The following MBD5 variants were observed in gnomAD, a reference collection of about 807,000 sequenced individuals.
The protein encoded by MBD5 is methyl-CpG-binding domain protein 5.
MBD5 carries 13 observed loss-of-function variants against 117.3 expected under a neutral mutation model. The ratio of observed to expected loss-of-function variants is 0.11; its 90% CI spans 0.07 to 0.18. The LOEUF (loss-of-function observed/expected upper bound fraction) is 0.18, where lower values mean the gene tolerates loss of function less well. MBD5 is among the 10% of genes least tolerant of loss of function. The probability of loss-of-function intolerance (pLI) is 1.00; values close to 1 mark genes in which losing one functional copy is unlikely to be tolerated. For missense variants in MBD5, 1,879 were observed against 2,093.8 expected (o/e 0.90, Z 2.00); for synonymous variants, 727 against 766.4 (o/e 0.95, Z 0.85).
At chr2:148,362,158 G>A (rs550230474) in intron 4 of MBD5, among the ~76,000 whole-genome samples, 13 of 152,286 alleles carry the variant, frequency 8.5e-5, no homozygotes, top group Admixed American at 2.6e-4. Context: ...TCCTGGAAAG[G>A]GGGCTGAAGC....
intron 5 of MBD5, among the ~76,000 whole-genome samples, chr2:148,461,502 G>A (rs990376751): frequency 1.3e-5 from 2 of 152,118 alleles, no homozygotes; most frequent in African/African-American, 2.4e-5. Context: ...TTGTGTTTTT[G>A]TAGATAGAAC....
intron 4 of MBD5, among the ~76,000 whole-genome samples, chr2:148,421,846 C>T (rs1359918297): frequency 1.3e-5 from 2 of 152,236 alleles, no homozygotes; most frequent in African/African-American, 2.4e-5. Context: ...CCCACCACAG[C>T]TCAGCAAGGC....
chr2:148,238,323 A>G (rs999506905), intron 3 of MBD5, among the ~76,000 whole-genome samples: 2 of 152,234 alleles, frequency 1.3e-5, no homozygotes, highest in Non-Finnish European at 2.9e-5. Flanking sequence ...AACTATGTAC[A>G]TTCCAAATTT....
intron 13 of MBD5, among the ~76,000 whole-genome samples, chr2:148,511,720 A>T (rs1447453441): frequency 2.0e-5 from 3 of 152,226 alleles, no homozygotes; most frequent in Admixed American, 2.0e-4. Flanking sequence ...AGTTATAAAA[A>T]GTTTTGGCTC....
chr2:148,510,592 A>C (rs1220596242), intron 13 of MBD5, among the ~76,000 whole-genome samples: 1 of 152,264 alleles, frequency 6.6e-6, no homozygotes, highest in Non-Finnish European at 1.5e-5. Context: ...GAGTGTGAGA[A>C]GTTTAATCGT....
intron 13 of MBD5, among the ~76,000 whole-genome samples, chr2:148,511,956 T>G (rs1682226867): frequency 6.6e-6 from 1 of 152,254 alleles, no homozygotes; most frequent in Non-Finnish European, 1.5e-5. Flanking sequence ...TGTACTCATC[T>G]CTTCCTAATT....
Position 148,358,997 on chromosome 2 carries a change from C to A in MBD5, c.-557+16661C>A, listed in dbSNP as rs113564728. Among the ~76,000 whole-genome samples, 713 of 151,716 alleles carry A rather than the reference C, an allele frequency of 4.7e-3. 7 individuals are homozygous for A. The highest frequency in any genetic ancestry group is 0.016 in the African/African-American group (665 of 41,358). ...AGTCTTTTGACGGGGTGTGGTGGCT[C>A]AAGCCTGTAATCCCAGCACTTTGGG... On this transcript the variant is annotated intron_variant, in intron 4 of 13. Coordinates refer to ENST00000642680, the MANE Select transcript of MBD5 (RefSeq NM_001378120.1).
At chr2:148,500,259 G>T (rs78688112) in intron 11 of MBD5, among the ~76,000 whole-genome samples, 1 of 151,856 alleles carries the variant, frequency 6.6e-6, no homozygotes, top group Non-Finnish European at 1.5e-5. Flanking sequence ...GTGTGCCTGT[G>T]TGTGTGTATT....
At chr2:148,328,439 C>A (rs571280863) in intron 3 of MBD5, among the ~76,000 whole-genome samples, 4 of 152,328 alleles carry the variant, frequency 2.6e-5, no homozygotes, top group African/African-American at 9.6e-5. Context: ...CCTCCCCTAG[C>A]CTCGCTGCTG....
intron 1 of MBD5, among the ~76,000 whole-genome samples, chr2:148,150,261 C>T (rs1433286729): frequency 2.0e-5 from 3 of 148,750 alleles, no homozygotes; most frequent in South Asian, 2.2e-4. Context: ...AGATATGCGG[C>T]GTTATTTCTG....
Position 148,513,178 on chromosome 2 carries a change from A to C in MBD5, c.*237A>C. The stretch of plus-strand genomic sequence containing the variant: ...GATGAGAGTGATCAATGGTCAAGAG[A>C]TTACTGAGAAACTCTTTTTCTATAA... On this transcript the variant is annotated 3_prime_UTR_variant, in exon 14 of 14. Transcript: ENST00000642680. 1 of 512,394 alleles carries C rather than the reference A, an allele frequency of 2.0e-6. No individual in the cohort carries two copies. The highest frequency in any genetic ancestry group is 3.5e-6 in the Non-Finnish European group (1 of 286,366). The allele number at this position is 512,394 out of a possible 1,614,324, so 31.7% of individuals were successfully genotyped here.
At chr2:148,373,807 T>C (rs1188763533) in intron 4 of MBD5, among the ~76,000 whole-genome samples, 2 of 152,162 alleles carry the variant, frequency 1.3e-5, no homozygotes, top group East Asian at 1.9e-4. Flanking sequence ...TTATTCATAA[T>C]ACTTTAATTG....
At chr2:148,057,338 T>G (rs142474141) in intron 1 of MBD5, among the ~76,000 whole-genome samples, 1 of 151,858 alleles carries the variant, frequency 6.6e-6, no homozygotes, top group African/African-American at 2.4e-5. Context: ...TTTTAAACTT[T>G]AAGTACTTAC....
At chr2:148,079,292 G>A (rs939448158) in intron 1 of MBD5, among the ~76,000 whole-genome samples, 1 of 152,160 alleles carries the variant, frequency 6.6e-6, no homozygotes, top group African/African-American at 2.4e-5. Flanking sequence ...GCCTCATCCA[G>A]CCTTAAGCAA....
At chr2:148,460,158 G>T (rs1367820160) in intron 5 of MBD5, 1 of 152,068 alleles carries the variant, frequency 6.6e-6, no homozygotes. Context: ...ATTCAGCATA[G>T]AACAAAAGAC....
intron 1 of MBD5, among the ~76,000 whole-genome samples, chr2:148,077,447 A>G (rs1695535761): frequency 6.6e-6 from 1 of 152,190 alleles, no homozygotes; most frequent in Non-Finnish European, 1.5e-5. Context: ...AGCAACCAAG[A>G]GGATACCTGC....
intron 3 of MBD5, among the ~76,000 whole-genome samples, chr2:148,284,814 T>G (rs1321516102): frequency 6.6e-6 from 1 of 152,196 alleles, no homozygotes; most frequent in Non-Finnish European, 1.5e-5. Flanking sequence ...ATACATAGAT[T>G]TGTGTAACTA....
Position 148,463,844 on chromosome 2 carries a change from G to T in MBD5, c.322G>T (p.Ala108Ser). ...KLCIHKRKII[A>S]VATLHKSMEA... ...ATGCATACATAAAAGAAAAATTATT[G>T]CAGTGGCCACACTTCATAAAAGCAT... Residue 108 changes from alanine to serine, a missense_variant, in exon 7 of 14, where the codon GCA becomes TCA. Ala to Ser is a moderately conservative substitution (Grantham distance 99, BLOSUM62 1). This residue lies in a region of MBD5 where 1,666 missense variants were observed against 1,792.2 expected (regional missense o/e 0.93). Transcript: ENST00000642680. The T allele has an allele frequency of 3.1e-6, 5 of 1,613,716 alleles. No individual in the cohort carries two copies. The highest frequency in any genetic ancestry group is 4.2e-6 in the Non-Finnish European group (5 of 1,179,758).
chr2:148,440,878 G>C (rs1202002368), intron 4 of MBD5, among the ~76,000 whole-genome samples: 4 of 152,136 alleles, frequency 2.6e-5, no homozygotes, highest in Admixed American at 2.0e-4. Flanking sequence ...ATATGCGAAG[G>C]CTTAGAGTTG....
Sources: gnomAD v4.1 joint callset for allele counts (sites outside exome capture counted in the v4.1 genomes callset) on GRCh38, gnomAD v4.1.1 for gene constraint, gnomAD v4.1.1 regional missense constraint, MANE v1.5 for transcripts, NCBI Gene and HGNC (gene_info 2026-07-23, HGNC 2026-07-21) for gene names.